The following PDLIM5 variants were observed in gnomAD, a reference collection of about 807,000 sequenced individuals.
PDLIM5 encodes PDZ and LIM domain 5, also known as PDZ and LIM domain protein 5.
PDLIM5 carries 34 observed loss-of-function variants against 64.2 expected under a neutral mutation model. The ratio of observed to expected loss-of-function variants is 0.53; its 90% CI spans 0.40 to 0.71. The LOEUF is 0.71. Ranked by LOEUF, PDLIM5 falls within the 30% of genes least tolerant of loss-of-function variation. PDLIM5 has a pLI of 0.00. For missense variants in PDLIM5, 683 were observed against 733.6 expected (o/e 0.93, Z 0.80); for synonymous variants, 253 against 269.1 (o/e 0.94, Z 0.59).
chr4:94,518,629 T>G (rs1729567262), intron 2 of PDLIM5, among the ~76,000 whole-genome samples: 1 of 152,220 alleles, frequency 6.6e-6, no homozygotes, highest in African/African-American at 2.4e-5. Context: ...TTACTCGAAA[T>G]TATAGTTACT....
intron 8 of PDLIM5, among the ~76,000 whole-genome samples, chr4:94,636,847 ATAAT>A (rs994073196): frequency 1.3e-5 from 2 of 152,152 alleles, no homozygotes; most frequent in African/African-American, 4.8e-5. Flanking sequence ...TCATTTTTAA[ATAAT>A]TAATAATTAA....
chr4:94,558,274 G>T (rs1211159449), intron 3 of PDLIM5, among the ~76,000 whole-genome samples: 1 of 152,132 alleles, frequency 6.6e-6, no homozygotes, highest in Non-Finnish European at 1.5e-5. Context: ...TGTTAAGATG[G>T]TATTGAGACC....
intron 5 of PDLIM5, chr4:94,582,788 T>A: frequency 8.5e-7 from 1 of 1,170,078 alleles, no homozygotes; most frequent in Non-Finnish European, 1.3e-6. Context: ...TCCTTCTTGC[T>A]TTCAATTTAA....
At chr4:94,567,241 C>T (rs1433856372) in intron 3 of PDLIM5, among the ~76,000 whole-genome samples, 1 of 152,186 alleles carries the variant, frequency 6.6e-6, no homozygotes, top group Non-Finnish European at 1.5e-5. Flanking sequence ...GATCTGCCCA[C>T]CTTGGCCTCC....
intron 9 of PDLIM5, among the ~76,000 whole-genome samples, chr4:94,646,962 T>C (rs1741464072): frequency 6.6e-6 from 1 of 152,222 alleles, no homozygotes; most frequent in African/African-American, 2.4e-5. Context: ...ATATGTTTAC[T>C]TTCCCACTTT....
At chr4:94,606,211 T>C (rs1737904063) in intron 7 of PDLIM5, among the ~76,000 whole-genome samples, 1 of 152,222 alleles carries the variant, frequency 6.6e-6, no homozygotes, top group South Asian at 2.1e-4. Context: ...TAACTATTGG[T>C]ATCAGGGAGC....
At chr4:94,587,408 G>T (rs1320059444) in intron 7 of PDLIM5, 3 of 1,071,342 alleles carry the variant, frequency 2.8e-6, no homozygotes, top group South Asian at 3.3e-5. Flanking sequence ...TTGGTTAGTT[G>T]GTTGGTTGAA....
chr4:94,534,478 T>A (rs1731150525), intron 3 of PDLIM5, among the ~76,000 whole-genome samples: 1 of 152,172 alleles, frequency 6.6e-6, no homozygotes, highest in Non-Finnish European at 1.5e-5. Context: ...ATAAAGAGAT[T>A]TATAATCTTT....
intron 7 of PDLIM5, among the ~76,000 whole-genome samples, chr4:94,614,043 A>G (rs1738576543): frequency 6.7e-6 from 1 of 148,976 alleles, no homozygotes; most frequent in South Asian, 2.1e-4. Flanking sequence ...GTTCACTGCA[A>G]CCTCCGCCTC....
chr4:94,562,675 G>A (rs1733949824), intron 3 of PDLIM5, among the ~76,000 whole-genome samples: 1 of 152,180 alleles, frequency 6.6e-6, no homozygotes, highest in Non-Finnish European at 1.5e-5. Flanking sequence ...AACATACGTT[G>A]TGACTTGTGT....
At chr4:94,520,345 T>G (rs1025160772) in intron 2 of PDLIM5, among the ~76,000 whole-genome samples, 2 of 152,168 alleles carry the variant, frequency 1.3e-5, no homozygotes, top group Admixed American at 1.3e-4. Flanking sequence ...ACACTGTGCT[T>G]TTATGAAATA....
At chr4:94,561,690 A>G (rs760773424) in intron 3 of PDLIM5, among the ~76,000 whole-genome samples, 2 of 152,118 alleles carry the variant, frequency 1.3e-5, no homozygotes, top group Non-Finnish European at 2.9e-5. Flanking sequence ...AGTAAGGAAG[A>G]CTCAGATTAG....
chr4:94,543,452 T>A (rs1475505590), intron 3 of PDLIM5, among the ~76,000 whole-genome samples: 1 of 152,190 alleles, frequency 6.6e-6, no homozygotes. Flanking sequence ...TGTGAGCACT[T>A]AATATCTATT....
intron 2 of PDLIM5, among the ~76,000 whole-genome samples, chr4:94,469,450 G>A (rs1724654035): frequency 6.6e-6 from 1 of 152,158 alleles, no homozygotes; most frequent in African/African-American, 2.4e-5. Context: ...AGATTAGCAA[G>A]TGCAGGGGCC....
chr4:94,594,311 A>C (rs1348355539), intron 7 of PDLIM5, among the ~76,000 whole-genome samples: 2 of 152,138 alleles, frequency 1.3e-5, no homozygotes, highest in African/African-American at 4.8e-5. Context: ...GTGTTTCAAC[A>C]TGAAGAGCAT....
intron 8 of PDLIM5, among the ~76,000 whole-genome samples, chr4:94,627,766 A>G (rs1471126580): frequency 6.6e-6 from 1 of 152,232 alleles, no homozygotes; most frequent in African/African-American, 2.4e-5. Flanking sequence ...AAACGCATGA[A>G]TAAGAATAAC....
intron 2 of PDLIM5, among the ~76,000 whole-genome samples, chr4:94,523,327 T>C (rs1293975941): frequency 6.6e-6 from 1 of 152,220 alleles, no homozygotes; most frequent in Non-Finnish European, 1.5e-5. Context: ...AAAAGAGTTT[T>C]AAAAAATTAT....
intron 3 of PDLIM5, among the ~76,000 whole-genome samples, chr4:94,563,242 G>C (rs1183924498): frequency 6.6e-6 from 1 of 152,110 alleles, no homozygotes; most frequent in Non-Finnish European, 1.5e-5. Flanking sequence ...ATGAGATTTA[G>C]TGATAAGGAT....
At chr4:94,555,688 C>A (rs1733232367) in intron 3 of PDLIM5, among the ~76,000 whole-genome samples, 1 of 151,894 alleles carries the variant, frequency 6.6e-6, no homozygotes, top group Non-Finnish European at 1.5e-5. Context: ...TGAAAAGATT[C>A]ATATGGTAAA....
Sources: allele counts gnomAD v4.1 joint callset (sites outside exome capture counted in the v4.1 genomes callset), GRCh38; gene constraint gnomAD v4.1.1; transcripts MANE v1.5; gene names NCBI Gene and HGNC (gene_info 2026-07-23, HGNC 2026-07-21).